The following ATP2C1 variants were observed in gnomAD, a reference collection of about 807,000 sequenced individuals.
The protein encoded by ATP2C1 is calcium-transporting ATPase type 2C member 1.
A neutral mutation model predicts 120.5 loss-of-function variants in ATP2C1; 31 were observed. The observed-to-expected ratio is 0.26, with a 90% CI of 0.19 to 0.35. The LOEUF is 0.35. Among genes scored for constraint, ATP2C1 ranks in the 10% least tolerant of loss-of-function variants. The pLI is 1.00. For missense variants in ATP2C1, 731 were observed against 1,107.5 expected, an observed-to-expected ratio of 0.66 and a Z score of 4.83; for synonymous variants, 351 against 358.7, an observed-to-expected ratio of 0.98 and a Z score of 0.24.
chr3:130,856,802 T>G (rs2067855315), intron 1 of ATP2C1, among the ~76,000 whole-genome samples: 1 of 152,178 alleles, frequency 6.6e-6, no homozygotes, highest in Non-Finnish European at 1.5e-5. Flanking sequence ...ATTTCAGTCC[T>G]TCACAAACAG....
intron 20 of ATP2C1, among the ~76,000 whole-genome samples, chr3:130,986,471 G>T (rs955693054): frequency 1.3e-5 from 2 of 152,170 alleles, no homozygotes; most frequent in African/African-American, 2.4e-5. Context: ...AGTTAGGGAA[G>T]AAAGAAACTA....
intron 1 of ATP2C1, among the ~76,000 whole-genome samples, chr3:130,872,834 C>T (rs2057445): frequency 0.012 from 1,845 of 152,216 alleles, 43 homozygotes; most frequent in African/African-American, 0.042. Flanking sequence ...CTACCTGCCT[C>T]GGCCTCCCAA....
chr3:130,998,513 C>G, intron 26 of ATP2C1, 124 bp downstream of exon 26: 1 of 732,128 alleles, frequency 1.4e-6, no homozygotes, highest in Non-Finnish European at 2.4e-6. Context: ...GATTGCAGCC[C>G]CAGACACAGC....
At chr3:130,930,619 T>A (rs955433032) in intron 3 of ATP2C1, 93 bp downstream of exon 3, 2 of 849,288 alleles carry the variant, frequency 2.4e-6, no homozygotes, top group Non-Finnish European at 4.0e-6. Flanking sequence ...TTTTCTTCAG[T>A]GATAGAAATA....
At chr3:130,962,225 AT>A (rs894360260) in intron 12 of ATP2C1, among the ~76,000 whole-genome samples, 13 of 152,062 alleles carry the variant, frequency 8.5e-5, no homozygotes, top group African/African-American at 3.1e-4. Context: ...AAGTAGAAAA[AT>A]TCATTGGATT....
intron 20 of ATP2C1, among the ~76,000 whole-genome samples, chr3:130,985,400 A>C (rs2061953639): frequency 6.6e-6 from 1 of 152,142 alleles, no homozygotes; most frequent in African/African-American, 2.4e-5. Flanking sequence ...TGGGAGGCTG[A>C]GGTGGATGGA....
chr3:130,870,650 G>A (rs980832464), intron 1 of ATP2C1, among the ~76,000 whole-genome samples: 2 of 152,300 alleles, frequency 1.3e-5, no homozygotes, highest in Middle Eastern at 3.4e-3. Flanking sequence ...CATGATAAAC[G>A]TTGAACAGAT....
At chr3:130,895,964 AT>A (rs139467563) in intron 2 of ATP2C1, among the ~76,000 whole-genome samples, 2,089 of 152,334 alleles carry the variant, frequency 0.014, 44 homozygotes, top group African/African-American at 0.048. Context: ...CTTGAGAAAC[AT>A]TTGAAAGCAG....
intron 26 of ATP2C1, among the ~76,000 whole-genome samples, chr3:131,011,226 A>G (rs998161905): frequency 6.6e-6 from 1 of 152,236 alleles, no homozygotes; most frequent in African/African-American, 2.4e-5. Flanking sequence ...TACAGGATGC[A>G]TATTAAACTT....
chr3:130,936,667 A>T (rs2059683347), intron 5 of ATP2C1, among the ~76,000 whole-genome samples: 1 of 151,720 alleles, frequency 6.6e-6, no homozygotes, highest in Non-Finnish European at 1.5e-5. Flanking sequence ...AAAAAAAAAA[A>T]TTAGCTGGGC....
intron 2 of ATP2C1, among the ~76,000 whole-genome samples, chr3:130,898,701 A>C (rs1368303407): frequency 1.3e-5 from 2 of 152,168 alleles, no homozygotes; most frequent in Non-Finnish European, 2.9e-5. Context: ...TCATTCATTT[A>C]AAGTCAGCAG....
chr3:130,980,391 A>G (rs1279681877), intron 19 of ATP2C1, among the ~76,000 whole-genome samples, 191 bp from the exon 20 acceptor site: 2 of 151,868 alleles, frequency 1.3e-5, no homozygotes, highest in Non-Finnish European at 2.9e-5. Context: ...AAAATTCTTT[A>G]TTCTTAAATT....
At chr3:130,960,739 C>T (rs201352326) in intron 12 of ATP2C1, among the ~76,000 whole-genome samples, 4 of 152,060 alleles carry the variant, frequency 2.6e-5, no homozygotes, top group African/African-American at 7.2e-5. Context: ...GGCAATTGAT[C>T]ATAAATCTGT....
At chr3:130,992,874 C>A in intron 20 of ATP2C1, 77 bp from the exon 21 acceptor site, 2 of 1,176,034 alleles carry the variant, frequency 1.7e-6, no homozygotes, top group Non-Finnish European at 2.5e-6. Flanking sequence ...AGTTTTTCAT[C>A]ATTAGTTATG....
intron 1 of ATP2C1, among the ~76,000 whole-genome samples, chr3:130,880,061 A>G (rs1370149168): frequency 1.3e-5 from 2 of 152,158 alleles, no homozygotes; most frequent in African/African-American, 4.8e-5. Flanking sequence ...AAAGGTGTTC[A>G]TGGTGGCTGG....
chr3:130,947,351 A>C (rs962028702), intron 8 of ATP2C1, among the ~76,000 whole-genome samples: 8 of 152,146 alleles, frequency 5.3e-5, no homozygotes, highest in Admixed American at 4.6e-4. Context: ...CAGTATATTC[A>C]CAGTTGTACA....
chr3:130,920,381 TA>T (rs1467078630), intron 2 of ATP2C1, among the ~76,000 whole-genome samples: 2 of 152,208 alleles, frequency 1.3e-5, no homozygotes, highest in African/African-American at 4.8e-5. Flanking sequence ...GGGCCCAGTT[TA>T]TTTTTTTTAG....
intron 2 of ATP2C1, among the ~76,000 whole-genome samples, chr3:130,921,636 T>G (rs912656435): frequency 6.6e-6 from 1 of 152,176 alleles, no homozygotes; most frequent in African/African-American, 2.4e-5. Flanking sequence ...ATTCCTTGTT[T>G]GTAGAGAGTT....
At chr3:130,930,807 G>A (rs184234752) in intron 3 of ATP2C1, among the ~76,000 whole-genome samples, 1 of 152,164 alleles carries the variant, frequency 6.6e-6, no homozygotes, top group Non-Finnish European at 1.5e-5. Flanking sequence ...GTGGCTTAGT[G>A]GCTACCTGAT....
Sources: allele counts gnomAD v4.1 joint callset (sites outside exome capture counted in the v4.1 genomes callset), GRCh38; gene constraint gnomAD v4.1.1; transcripts MANE v1.5; gene names NCBI Gene and HGNC (gene_info 2026-07-23, HGNC 2026-07-21).